DLC1: variants seen among roughly 807,000 people sequenced by gnomAD.
DLC1 encodes the protein DLC1 Rho GTPase activating protein.
A neutral mutation model predicts 140.3 loss-of-function variants in DLC1; 54 were observed. The observed-to-expected ratio is 0.38, with a 90% confidence interval of 0.31 to 0.48. The LOEUF (loss-of-function observed/expected upper bound fraction) is 0.48. DLC1 is among the 20% of genes least tolerant of loss of function. The pLI is 0.96. For synonymous variants in DLC1, 986 were observed against 728.1 expected (o/e 1.35, Z -5.70); for missense variants, 2,536 against 1,907.0 (o/e 1.33, Z -6.14).
chr8:13,428,738 C>T (rs574033822), intron 2 of DLC1, among the ~76,000 whole-genome samples: 6 of 152,046 alleles, frequency 3.9e-5, no homozygotes, highest in African/African-American at 1.4e-4. Context: ...TGCCATTTAA[C>T]GTGATGGGAT....
intron 7 of DLC1, among the ~76,000 whole-genome samples, chr8:13,103,702 G>C (rs1819299224): frequency 6.6e-6 from 1 of 151,962 alleles, no homozygotes; most frequent in South Asian, 2.1e-4. Flanking sequence ...AGCTGGGCAT[G>C]GTCGTGGGTG....
intron 5 of DLC1, among the ~76,000 whole-genome samples, chr8:13,256,879 TAAA>T (rs570193249): frequency 3.8e-5 from 4 of 105,182 alleles, no homozygotes; most frequent in African/African-American, 3.4e-5. Context: ...TCCCAGAACT[TAAA>T]AAAAAAAAAA....
intron 5 of DLC1, among the ~76,000 whole-genome samples, chr8:13,222,080 C>T (rs1828585126): frequency 6.6e-6 from 1 of 150,842 alleles, no homozygotes; most frequent in African/African-American, 2.4e-5. Flanking sequence ...AAGAAGACCT[C>T]TGTATTATTT....
At chr8:13,384,645 G>A (rs1259500489) in intron 4 of DLC1, among the ~76,000 whole-genome samples, 1 of 152,094 alleles carries the variant, frequency 6.6e-6, no homozygotes, top group East Asian at 1.9e-4. Flanking sequence ...CTAAAACCCT[G>A]TGTTCTAAAG....
intron 4 of DLC1, among the ~76,000 whole-genome samples, chr8:13,379,250 C>T (rs1469133801): frequency 1.3e-5 from 2 of 152,144 alleles, no homozygotes; most frequent in Non-Finnish European, 2.9e-5. Context: ...GTCAGCCTGG[C>T]CTAATTGCCT....
In DLC1 at chr8:13,099,266, T is replaced by C. The variant is rs923438744; in HGVS notation, c.2990+81A>G. 96 of 1,521,316 alleles carry C rather than the reference T, an allele frequency of 6.3e-5. No individual in the cohort carries two copies. In the Middle Eastern group the frequency reaches 1.2e-3, roughly 20 times the overall value. The allele number at this position is 1,521,316 out of a possible 1,614,324, so 94.2% of individuals were successfully genotyped here. ...GCTAAGAATGCCAGACTTAATCCCA[T>C]TTCTTCCCACAGAACAAGCACAGGC... On this transcript the variant is annotated intron_variant, in intron 9 of 17. Transcript: ENST00000276297.
At chr8:13,400,546 G>C (rs1217743369) in intron 3 of DLC1, among the ~76,000 whole-genome samples, 1 of 152,104 alleles carries the variant, frequency 6.6e-6, no homozygotes, top group African/African-American at 2.4e-5. Context: ...GTGGGCTGAT[G>C]TGTGCAATAT....
chr8:13,496,785 C>CTTTTTTTTTT (rs1491502803), intron 2 of DLC1, among the ~76,000 whole-genome samples: 95 of 8,640 alleles, frequency 0.011, 39 homozygotes, highest in Non-Finnish European at 0.031. Flanking sequence ...TAGACCATTT[C>CTTTTTTTTTT]CTTTTTTTTT....
intron 4 of DLC1, among the ~76,000 whole-genome samples, chr8:13,335,355 G>C (rs1000079626): frequency 6.6e-6 from 1 of 152,126 alleles, no homozygotes; most frequent in African/African-American, 2.4e-5. Flanking sequence ...TTTTAAGAAA[G>C]GGACTTATAT....
intron 5 of DLC1, among the ~76,000 whole-genome samples, chr8:13,139,121 C>T (rs886723921): frequency 6.6e-6 from 1 of 151,270 alleles, no homozygotes; most frequent in African/African-American, 2.4e-5. Context: ...CATCTCTACA[C>T]AACATTAAAA....
chr8:13,347,063 CTT>C (rs1372583723), intron 4 of DLC1, among the ~76,000 whole-genome samples: 2 of 152,290 alleles, frequency 1.3e-5, no homozygotes, highest in African/African-American at 4.8e-5. Flanking sequence ...ATAAACTAAA[CTT>C]TATCATATGA....
intron 4 of DLC1, among the ~76,000 whole-genome samples, chr8:13,387,562 G>A (rs953712911): frequency 5.9e-5 from 9 of 151,812 alleles, no homozygotes; most frequent in African/African-American, 1.2e-4. Flanking sequence ...ATGATCATAT[G>A]TATGGGATAT....
intron 5 of DLC1, among the ~76,000 whole-genome samples, chr8:13,272,769 G>A (rs1419817850): frequency 1.3e-5 from 2 of 152,172 alleles, no homozygotes; most frequent in African/African-American, 4.8e-5. Flanking sequence ...AGCTGCTCGG[G>A]AGGCTGAGGC....
intron 1 of DLC1, among the ~76,000 whole-genome samples, chr8:13,565,710 A>T (rs1472070500): frequency 6.6e-6 from 1 of 152,206 alleles, no homozygotes; most frequent in African/African-American, 2.4e-5. Flanking sequence ...AGAGAGAGAG[A>T]GACAAAACTG....
intron 5 of DLC1, among the ~76,000 whole-genome samples, chr8:13,140,242 A>C (rs973722364): frequency 1.5e-4 from 23 of 152,014 alleles, no homozygotes; most frequent in African/African-American, 5.1e-4. Context: ...ATCTATCTAT[A>C]TATTTTTCCA....
chr8:13,202,729 A>G (rs779934021), intron 5 of DLC1, among the ~76,000 whole-genome samples: 1 of 151,872 alleles, frequency 6.6e-6, no homozygotes, highest in East Asian at 1.9e-4. Context: ...GCTGGAGTGC[A>G]GGGGTGCTAT....
At chr8:13,341,061 G>A (rs949606512) in intron 4 of DLC1, 1 of 152,134 alleles carries the variant, frequency 6.6e-6, no homozygotes, top group Admixed American at 6.5e-5. Context: ...GTGTTCAGTA[G>A]GATTTGAAGG....
In DLC1 at chr8:13,133,221, G is replaced by C. The variant is rs373437155; in HGVS notation, c.1349-17564C>G. 469 of 1,417,488 alleles carry C rather than the reference G, an allele frequency of 3.3e-4. 3 individuals are homozygous for C. In the African/African-American group the frequency reaches 6.6e-3, roughly 20 times the overall value. The allele number at this position is 1,417,488 out of a possible 1,614,324, so 87.8% of individuals were successfully genotyped here. ...GAGAAGTCCGTGAGCCGGCGCTCCTGATGCGGAGAGGTGCGGCCATGTCCT... is the reference window on the plus strand; with the variant it reads ...GAGAAGTCCGTGAGCCGGCGCTCCTCATGCGGAGAGGTGCGGCCATGTCCT... On this transcript the variant is annotated intron_variant, in intron 5 of 17. Coordinates refer to ENST00000276297, the MANE Select transcript of DLC1 (RefSeq NM_182643.3).
chr8:13,304,191 G>T (rs1183745824), intron 5 of DLC1, among the ~76,000 whole-genome samples: 2 of 152,242 alleles, frequency 1.3e-5, no homozygotes, highest in African/African-American at 4.8e-5. Flanking sequence ...GCCATTGAAA[G>T]TAATGGCCAA....
Sources: gnomAD v4.1 joint callset for allele counts (sites outside exome capture counted in the v4.1 genomes callset) on GRCh38, gnomAD v4.1.1 for gene constraint, MANE v1.5 for transcripts, NCBI Gene and HGNC (gene_info 2026-07-23, HGNC 2026-07-21) for gene names.